OR3A2: variants seen among roughly 807,000 people sequenced by gnomAD.
OR3A2 encodes the protein olfactory receptor family 3 subfamily A member 2.
For synonymous variants in OR3A2, 126 were observed against 159.3 expected, an observed-to-expected ratio of 0.79 and a Z score of 1.57; for missense variants, 318 against 392.8, an observed-to-expected ratio of 0.81 and a Z score of 1.61.
chr17:3,323,778 G>A (rs2049146716), intron 3 of OR3A2, among the ~76,000 whole-genome samples: 1 of 151,984 alleles, frequency 6.6e-6, no homozygotes, highest in Non-Finnish European at 1.5e-5. Context: ...TTTCTCTCTG[G>A]CTGCCCTTAA....
intron 3 of OR3A2, among the ~76,000 whole-genome samples, chr17:3,314,215 C>T (rs903146614): frequency 2.0e-5 from 3 of 152,298 alleles, no homozygotes; most frequent in African/African-American, 7.2e-5. Flanking sequence ...CTGAGCATAA[C>T]ACTATAGGTT....
At chr17:3,288,400 G>A (rs893865398), upstream of OR3A2, among the ~76,000 whole-genome samples, 2 of 152,104 alleles carry the variant, frequency 1.3e-5, no homozygotes, top group African/African-American at 4.8e-5. Context: ...CTATTAACAG[G>A]CTATTTCATA....
At chr17:3,354,529 T>C (rs2049448074) in intron 2 of OR3A2, among the ~76,000 whole-genome samples, 1 of 151,406 alleles carries the variant, frequency 6.6e-6, no homozygotes, top group African/African-American at 2.4e-5. Context: ...TGTGTCTAGA[T>C]TTTTGAATTT....
At chr17:3,334,273 T>G (rs534628854) in intron 3 of OR3A2, among the ~76,000 whole-genome samples, 1 of 152,298 alleles carries the variant, frequency 6.6e-6, no homozygotes, top group East Asian at 1.9e-4. Flanking sequence ...AACATTTATA[T>G]TCTTTTGTTT....
rs140039526 is a variant in OR3A2, at chr17:3,323,812, T to C, written c.-85+12221A>G. On this transcript the variant is annotated intron_variant, in intron 3 of 4. Transcript: ENST00000573491. ...AACATTTTTTCCTTCATTTCAACTTTGGTGAATCTGACAATTATGTGTTTT... is the reference window on the plus strand; with the variant it reads ...AACATTTTTTCCTTCATTTCAACTTCGGTGAATCTGACAATTATGTGTTTT... Among the ~76,000 whole-genome samples the C allele has an allele frequency of 2.9e-3, 448 of 152,188 alleles. 5 individuals are homozygous for C. The highest frequency in any genetic ancestry group is 0.017 in the Middle Eastern group (5 of 294).
intron 1 of OR3A2, among the ~76,000 whole-genome samples, chr17:3,283,730 T>C (rs1365676760): frequency 6.6e-6 from 1 of 152,002 alleles, no homozygotes; most frequent in Non-Finnish European, 1.5e-5. Flanking sequence ...CATGGACCAG[T>C]CCACATCTTC....
chr17:3,286,712 T>C (rs569260912), upstream of OR3A2, among the ~76,000 whole-genome samples: 4 of 152,346 alleles, frequency 2.6e-5, no homozygotes, highest in East Asian at 7.7e-4. Flanking sequence ...GTTGGCTGCA[T>C]AAATGTCTTC....
rs369249133 is a variant in OR3A2 at position 3,292,034 on chromosome 17, G to T, written c.-84-12881C>A. The T allele has an allele frequency of 7.4e-6, 12 of 1,614,106 alleles. No homozygotes were observed. The African/African-American group carries it at 1.5e-4, about 20-fold the overall frequency. On this transcript the variant is annotated intron_variant, in intron 3 of 4. Coordinates refer to the OR3A2 transcript ENST00000573491. ...AGGAGAGCTGGAAGAGCTGTGGGAG[G>T]TCACAGTAGAAGTGATTGATCACAT...
chr17:3,363,349 C>A (rs2049534851), intron 2 of OR3A2, among the ~76,000 whole-genome samples: 1 of 151,824 alleles, frequency 6.6e-6, no homozygotes. Context: ...TGATCTGTCT[C>A]AAGTTCAAAG....
chr17:3,282,350 G>A (rs1456241543), intron 1 of OR3A2, among the ~76,000 whole-genome samples: 1 of 152,200 alleles, frequency 6.6e-6, no homozygotes, highest in African/African-American at 2.4e-5. Flanking sequence ...AGGTTGCAGT[G>A]AGCTGAGATC....
intron 3 of OR3A2, chr17:3,292,555 T>C (rs769467093): frequency 1.2e-6 from 2 of 1,611,440 alleles, no homozygotes; most frequent in Admixed American, 1.7e-5. Context: ...GCAATGACTG[T>C]TCCATTGGCC....
chr17:3,329,549 G>T (rs2049210358), intron 3 of OR3A2, among the ~76,000 whole-genome samples: 1 of 122,604 alleles, frequency 8.2e-6, no homozygotes, highest in African/African-American at 3.4e-5. Flanking sequence ...TGTGGGATCG[G>T]TGGTGATATC....
intron 3 of OR3A2, chr17:3,291,947 G>A: frequency 1.2e-6 from 2 of 1,614,172 alleles, no homozygotes; most frequent in Middle Eastern, 1.6e-4. Context: ...GAGCCATGGG[G>A]GTACCTGCCA....
chr17:3,380,280 C>T (rs185407210), intron 2 of OR3A2, among the ~76,000 whole-genome samples: 71 of 152,272 alleles, frequency 4.7e-4, no homozygotes, highest in Admixed American at 1.4e-3. Context: ...GAGCAATACA[C>T]GAGAACGACC....
chr17:3,351,863 C>T (rs2150654210), intron 2 of OR3A2, among the ~76,000 whole-genome samples: 1 of 152,190 alleles, frequency 6.6e-6, no homozygotes, highest in Non-Finnish European at 1.5e-5. Flanking sequence ...GAACAGAGCC[C>T]TCAGAAATAA....
chr17:3,293,357 A>G (rs2048892998), intron 3 of OR3A2, among the ~76,000 whole-genome samples: 1 of 152,210 alleles, frequency 6.6e-6, no homozygotes, highest in East Asian at 1.9e-4. Flanking sequence ...GGCAAAAGGT[A>G]GAAAAAAATA....
In OR3A2 at chr17:3,309,484, G is replaced by A. The variant is rs1417155458; in HGVS notation, c.-85+26549C>T. On this transcript the variant is annotated intron_variant, in intron 3 of 4. Transcript: ENST00000573491. ...TCACCTGTATATTCAATGAAACAGC[G>A]TTACTTGGTATCCACCAAACCCACC... Among the ~76,000 whole-genome samples, 3 of 152,184 alleles carry A rather than the reference G, an allele frequency of 2.0e-5. No individual in the cohort carries two copies. In the South Asian group the frequency reaches 6.2e-4, roughly 32 times the overall value.
intron 2 of OR3A2, among the ~76,000 whole-genome samples, chr17:3,376,373 T>C (rs1244291070): frequency 2.0e-5 from 3 of 152,120 alleles, no homozygotes. Context: ...CTTTTGTCTT[T>C]GGCTACCAGG....
chr17:3,305,540 T>C (rs1300181735), intron 3 of OR3A2, among the ~76,000 whole-genome samples: 3 of 152,166 alleles, frequency 2.0e-5, no homozygotes, highest in Non-Finnish European at 4.4e-5. Flanking sequence ...ACTCATGACA[T>C]AGGACAAAAA....
Sources: gnomAD v4.1 joint callset for allele counts (sites outside exome capture counted in the v4.1 genomes callset) on GRCh38, gnomAD v4.1.1 for gene constraint, MANE v1.5 for transcripts, NCBI Gene and HGNC (gene_info 2026-07-23, HGNC 2026-07-21) for gene names.